Variants in RIT2 observed in about 807,000 individuals in gnomAD.
RIT2 encodes GTP-binding protein Rit2.
In RIT2, 24 loss-of-function variants were observed where a neutral mutation model predicts 23.7. That is an observed-to-expected ratio of 1.01 (90% confidence interval 0.73 to 1.43). The LOEUF (loss-of-function observed/expected upper bound fraction) is 1.43. RIT2 is among the 40% of genes most tolerant of loss of function. The probability of loss-of-function intolerance (pLI) is 0.00; values close to 1 mark genes in which losing one functional copy is unlikely to be tolerated. For missense variants in RIT2, 236 were observed against 266.9 expected (o/e 0.88, Z 0.81); for synonymous variants, 107 against 91.1 (o/e 1.17, Z -0.99).
intron 1 of RIT2, among the ~76,000 whole-genome samples, chr18:43,046,537 G>T (rs943181234): frequency 2.0e-5 from 3 of 152,168 alleles, no homozygotes; most frequent in Non-Finnish European, 4.4e-5. Context: ...CACCTGACAG[G>T]CAGAGGCCTT....
chr18:43,069,327 C>G (rs916702398), intron 1 of RIT2, among the ~76,000 whole-genome samples: 1 of 152,024 alleles, frequency 6.6e-6, no homozygotes, highest in African/African-American at 2.4e-5. Flanking sequence ...ACTTTATTTT[C>G]TTAATAAACT....
intron 1 of RIT2, among the ~76,000 whole-genome samples, chr18:43,091,338 A>T (rs1254793584): frequency 6.6e-6 from 1 of 152,082 alleles, no homozygotes; most frequent in Non-Finnish European, 1.5e-5. Flanking sequence ...AGACAGAGAC[A>T]TGCTTTATTT....
chr18:43,019,023 C>G (rs921251367), intron 2 of RIT2, among the ~76,000 whole-genome samples: 1 of 151,768 alleles, frequency 6.6e-6, no homozygotes, highest in Non-Finnish European at 1.5e-5. Context: ...AACAAAAAGA[C>G]AGAAATAAGT....
At chr18:42,972,905 C>T (rs1304025437) in intron 3 of RIT2, among the ~76,000 whole-genome samples, 1 of 151,722 alleles carries the variant, frequency 6.6e-6, no homozygotes, top group Non-Finnish European at 1.5e-5. Context: ...TAATTGAATA[C>T]CAGCAGAGGT....
chr18:42,812,110 C>T (rs1905868627), intron 4 of RIT2, among the ~76,000 whole-genome samples: 1 of 152,104 alleles, frequency 6.6e-6, no homozygotes, highest in Non-Finnish European at 1.5e-5. Context: ...ATTATTGGTG[C>T]TGTTCACTGA....
At chr18:43,008,903 A>G (rs922453589) in intron 2 of RIT2, among the ~76,000 whole-genome samples, 4 of 151,676 alleles carry the variant, frequency 2.6e-5, no homozygotes, top group Admixed American at 6.6e-5. Flanking sequence ...GCCTCTGTGG[A>G]GCTCAGTTTC....
intron 1 of RIT2, among the ~76,000 whole-genome samples, chr18:43,094,120 TTTG>T (rs1913490479): frequency 1.2e-5 from 1 of 83,714 alleles, no homozygotes; most frequent in African/African-American, 3.7e-5. Flanking sequence ...GTGGGTTTTT[TTTG>T]TTTTTTTTTT....
chr18:43,090,810 G>A (rs964377610), intron 1 of RIT2, among the ~76,000 whole-genome samples: 2 of 152,004 alleles, frequency 1.3e-5, no homozygotes, highest in African/African-American at 4.8e-5. Flanking sequence ...CTTATAAGTT[G>A]GAGCTAAATG....
intron 1 of RIT2, among the ~76,000 whole-genome samples, chr18:43,099,260 A>C (rs997862222): frequency 1.3e-5 from 2 of 152,056 alleles, no homozygotes; most frequent in Non-Finnish European, 1.5e-5. Context: ...TCTATACTGC[A>C]TATTAAATGA....
At chr18:42,866,793 T>C (rs186213642) in intron 4 of RIT2, among the ~76,000 whole-genome samples, 1 of 152,202 alleles carries the variant, frequency 6.6e-6, no homozygotes, top group African/African-American at 2.4e-5. Flanking sequence ...CAGTTCAGTA[T>C]GAAATCATAT....
chr18:42,958,291 G>C (rs1449495742), intron 3 of RIT2, among the ~76,000 whole-genome samples: 1 of 152,042 alleles, frequency 6.6e-6, no homozygotes, highest in Non-Finnish European at 1.5e-5. Context: ...TAAAATGTAG[G>C]GTCTTGATCT....
intron 2 of RIT2, among the ~76,000 whole-genome samples, chr18:42,991,455 C>G (rs1012525446): frequency 2.6e-5 from 4 of 152,136 alleles, no homozygotes; most frequent in African/African-American, 9.7e-5. Flanking sequence ...GTGATGTAAG[C>G]AATATATACC....
intron 1 of RIT2, among the ~76,000 whole-genome samples, chr18:43,043,264 C>A (rs983631364): frequency 6.6e-6 from 1 of 151,988 alleles, no homozygotes; most frequent in African/African-American, 2.4e-5. Context: ...GGTTACAGAG[C>A]AATATCAAGG....
At chr18:42,808,493 T>G (rs1390677470) in intron 4 of RIT2, among the ~76,000 whole-genome samples, 1 of 152,186 alleles carries the variant, frequency 6.6e-6, no homozygotes, top group Non-Finnish European at 1.5e-5. Flanking sequence ...CTTATTTCAG[T>G]GTCGATTTCA....
intron 3 of RIT2, among the ~76,000 whole-genome samples, chr18:42,953,355 T>C (rs1909898332): frequency 6.6e-6 from 1 of 152,098 alleles, no homozygotes; most frequent in South Asian, 2.1e-4. Context: ...AATCAATGAT[T>C]AGAAAGGAAA....
chr18:42,776,474 G>A (rs1210807636), intron 4 of RIT2, among the ~76,000 whole-genome samples: 1 of 151,966 alleles, frequency 6.6e-6, no homozygotes, highest in Non-Finnish European at 1.5e-5. Flanking sequence ...TGCACTCTGT[G>A]TTCATTGGAA....
intron 4 of RIT2, among the ~76,000 whole-genome samples, chr18:42,886,856 A>T (rs1254199655): frequency 6.6e-6 from 1 of 152,098 alleles, no homozygotes; most frequent in East Asian, 1.9e-4. Flanking sequence ...TTAGAAACAA[A>T]TTTTCTAGAA....
chr18:42,904,182 C>G (rs968232045), intron 4 of RIT2, among the ~76,000 whole-genome samples: 2 of 152,110 alleles, frequency 1.3e-5, no homozygotes, highest in East Asian at 3.8e-4. Context: ...AAAAAGTACT[C>G]TATTTCTATA....
intron 4 of RIT2, among the ~76,000 whole-genome samples, chr18:42,757,879 G>C (rs1470348840): frequency 6.6e-6 from 1 of 152,022 alleles, no homozygotes; most frequent in Non-Finnish European, 1.5e-5. Context: ...TCAACATCCT[G>C]GACTAGCACC....
Sources: allele counts gnomAD v4.1 joint callset (sites outside exome capture counted in the v4.1 genomes callset), GRCh38; gene constraint gnomAD v4.1.1; transcripts MANE v1.5; gene names NCBI Gene and HGNC (gene_info 2026-07-23, HGNC 2026-07-21).